Variants in DPEP3 observed in about 807,000 individuals in gnomAD.
DPEP3 encodes the protein dipeptidase 3, also known as membrane-bound dipeptidase 3.
DPEP3 carries 42 observed loss-of-function variants against 47.5 expected under a neutral mutation model. That is an observed-to-expected ratio of 0.88 (90% CI 0.69 to 1.14). DPEP3 has a LOEUF of 1.14. Ranked by LOEUF, DPEP3 falls within the 50% of genes most tolerant of loss-of-function variation. The pLI, the probability that DPEP3 is intolerant of heterozygous loss-of-function variation, is 0.00. For missense variants in DPEP3, 560 were observed against 635.0 expected (o/e 0.88, Z 1.27); for synonymous variants, 276 against 270.2 (o/e 1.02, Z -0.21).
At position 67,980,124 on chromosome 16, in the gene DPEP3, G is replaced by A. The variant is rs1266415109; in HGVS notation, c.257C>T (p.Ala86Val). 1 of 1,612,506 alleles carries A rather than the reference G, an allele frequency of 6.2e-7. No homozygotes were observed. Among genetic ancestry groups the A allele is most frequent in the African/African-American group, 1.3e-5 (1 of 74,888 alleles). The stretch of plus-strand genomic sequence containing the variant: ...CACGAGTGGGAAACTCCGCATCAGG[G>A]CCTGCGCGCGACCCCGAAGGTCCAG... ...KTLDLRGRAQALMRSFPLVDG... is the reference protein window; with the variant it reads ...KTLDLRGRAQVLMRSFPLVDG... Residue 86 changes from alanine (A) to valine (V), a missense_variant, in exon 1 of 10, where the codon GCC (alanine) becomes GTC (valine). Coordinates refer to ENST00000268793, the MANE Select transcript of DPEP3 (RefSeq NM_001370198.1).
chr16:67,977,186 G>C, intron 7 of DPEP3, 84 bp downstream of exon 7: 2 of 1,262,256 alleles, frequency 1.6e-6, no homozygotes, highest in Non-Finnish European at 1.1e-6. Context: ...TGCCCAACAG[G>C]TGCACTAGAC....
chr16:67,978,650 G>A lies in DPEP3; in HGVS notation c.415-24C>T. On this transcript the variant is annotated intron_variant, in intron 2 of 9. Coordinates refer to ENST00000268793, the MANE Select transcript of DPEP3 (RefSeq NM_001370198.1). The surrounding 1 kb of genome is among the most constrained non-coding windows in gnomAD (Gnocchi z 4.4). ...AACTGAGGGTAGGTCAAGGGGTCCA[G>A]AATGAGGCCAGGGCGGTCTTCAACC... 6.2e-7 allele frequency: 1 copy of A among 1,613,098 alleles called. No homozygotes were observed. Among genetic ancestry groups the A allele is most frequent in the Non-Finnish European group, 8.5e-7 (1 of 1,179,652 alleles).
In DPEP3 at chr16:67,980,239, T is replaced by A; in HGVS notation, c.142A>T (p.Thr48Ser). The change falls in exon 1 of 10, where the codon ACG becomes TCG. Residue 48 changes from threonine (T) to serine (S), a missense_variant. Physicochemically the swap from Thr to Ser is moderately conservative, Grantham distance 58 (BLOSUM62 1). Coordinates refer to ENST00000268793, the MANE Select transcript of DPEP3 (RefSeq NM_001370198.1). ...TTPGAPRALS[T>S]LGSPSLFTTP... ...GTGAAGAGGCTGGGGGAGCCCAGCG[T>A]GGAGAGGGCTCTGGGGGCGCCCGGC... The A allele has an allele frequency of 6.2e-7, 1 of 1,607,810 alleles. No individual in the cohort carries two copies.
At chr16:67,976,444 A>G (rs190799161) in intron 8 of DPEP3, among the ~76,000 whole-genome samples, 1 of 152,314 alleles carries the variant, frequency 6.6e-6, no homozygotes, top group East Asian at 1.9e-4. Context: ...CTGGGAGTGG[A>G]GCATATCTTG....
chr16:67,980,495 A>C lies in DPEP3; in HGVS notation c.-115T>G. 7.0e-7 allele frequency: 1 copy of C among 1,423,812 alleles called. No homozygotes were observed. Among genetic ancestry groups the C allele is most frequent in the Non-Finnish European group, 9.2e-7 (1 of 1,088,808 alleles). The allele number at this position is 1,423,812 out of a possible 1,614,324, so 88.2% of individuals were successfully genotyped here. A position where few individuals can be genotyped will look rare whatever the true frequency, so the allele number is the denominator to read the frequency against. The stretch of plus-strand genomic sequence containing the variant: ...CCGAAGAGGGGGTTGAAGTCACGCG[A>C]CTCTGAGACCGACGCGCCACGCAAG... On this transcript the variant is annotated 5_prime_UTR_variant, in exon 1 of 10. Coordinates refer to ENST00000268793, the MANE Select transcript of DPEP3 (RefSeq NM_001370198.1).
In DPEP3 at chr16:67,978,557, C is replaced by A; in HGVS notation, c.484G>T (p.Asp162Tyr). ...TAVRLALEQI[D>Y]LIHRMCASYS... ...GAGGCACACATGCGGTGAATGAGGT[C>A]AATCTGCTCCAGGGCGAGGCGCACG... The change falls in exon 3 of 10, where the codon GAC becomes TAC. Residue 162 changes from aspartate to tyrosine, a missense_variant. Transcript: ENST00000268793. This position sits in a 1 kb window ranked among gnomAD's most constrained non-coding sequence, Gnocchi z 4.4. The A allele has an allele frequency of 6.2e-7, 1 of 1,614,074 alleles. No homozygotes were observed. The highest frequency in any genetic ancestry group is 1.1e-5 in the South Asian group (1 of 91,076).
intron 1 of DPEP3, 102 bp from the exon 2 acceptor site, chr16:67,979,867 A>C: frequency 6.6e-7 from 1 of 1,521,374 alleles, no homozygotes; most frequent in Non-Finnish European, 8.9e-7. Context: ...ACCTCCTCAC[A>C]CAGACCATAT....
At position 67,977,296 on chromosome 16, in the gene DPEP3, A is replaced by C. The variant is rs772443063; in HGVS notation, c.992T>G (p.Leu331Arg). The C allele has an allele frequency of 1.9e-6, 3 of 1,613,968 alleles. No homozygotes were observed. The highest frequency in any genetic ancestry group is 1.6e-4 in the Middle Eastern group (1 of 6,062). Residue 331 changes from leucine to arginine, a missense_variant, in exon 7 of 10, where the codon CTG becomes CGG. Physicochemically the swap from Leu to Arg is moderately radical, Grantham distance 102 (BLOSUM62 -2). Transcript: ENST00000268793. Reference sequence around the variant, plus strand: ...TGCCACAGTGGACACGTTAGCAAGCAGGTTGCACTGCAGCACCCCCATGGA... The same window carrying C: ...TGCCACAGTGGACACGTTAGCAAGCCGGTTGCACTGCAGCACCCCCATGGA... ...TLSMGVLQCN[L>R]LANVSTVADH...
chr16:67,977,527 G>A (rs1187257671), intron 6 of DPEP3, 126 bp downstream of exon 6: 13 of 1,328,952 alleles, frequency 9.8e-6, no homozygotes, highest in African/African-American at 1.5e-5. Flanking sequence ...TAAGTTTCAG[G>A]GATGGAGGAG....
At position 67,978,303 on chromosome 16, in the gene DPEP3, CG is replaced by C; in HGVS notation, c.649del (p.Arg217AlafsTer3). 6.2e-7 allele frequency: 1 copy of C among 1,614,166 alleles called. No homozygotes were observed. Among genetic ancestry groups the C allele is most frequent in the South Asian group, 1.1e-5 (1 of 91,086 alleles). On this transcript the variant is annotated frameshift_variant, in exon 4 of 10. Coordinates refer to ENST00000268793, the MANE Select transcript of DPEP3 (RefSeq NM_001370198.1). LOFTEE classifies it high-confidence loss of function. This position sits in a 1 kb window ranked among gnomAD's most constrained non-coding sequence, Gnocchi z 4.4. ...GCAGGTGAAGGTAAGTGTCAGGTAG[CG>C]CACCCCCAGCACATAGAAACTGCGC... ...VLRSFYVLGV[R>X]YLTLTFTCST...
chr16:67,978,119 C>G lies in DPEP3; in HGVS notation c.687-112G>C. Reference sequence around the variant, plus strand: ...GCTTCCAGAACAGGTGCAGAACCAGCTGCTTTCTGGGATTGTGAGGGACCC... The same window carrying G: ...GCTTCCAGAACAGGTGCAGAACCAGGTGCTTTCTGGGATTGTGAGGGACCC... On this transcript the variant is annotated intron_variant, in intron 4 of 9. Transcript: ENST00000268793. This position sits in a 1 kb window ranked among gnomAD's most constrained non-coding sequence, Gnocchi z 4.4. 6.4e-7 allele frequency: 1 copy of G among 1,574,576 alleles called. No individual in the cohort carries two copies. Among genetic ancestry groups the G allele is most frequent in the Non-Finnish European group, 8.7e-7 (1 of 1,148,210 alleles).
chr16:67,980,493 C>A lies in DPEP3; in HGVS notation c.-113G>T, dbSNP rs2031305168. 1.4e-6 allele frequency: 2 copies of A among 1,429,246 alleles called. No individual in the cohort carries two copies. The highest frequency in any genetic ancestry group is 1.5e-5 in the African/African-American group (1 of 66,314). The allele number at this position is 1,429,246 out of a possible 1,614,324, so 88.5% of individuals were successfully genotyped here. On this transcript the variant is annotated 5_prime_UTR_variant, in exon 1 of 10. Coordinates refer to ENST00000268793, the MANE Select transcript of DPEP3 (RefSeq NM_001370198.1). Reference sequence around the variant, plus strand: ...TCCCGAAGAGGGGGTTGAAGTCACGCGACTCTGAGACCGACGCGCCACGCA... The same window carrying A: ...TCCCGAAGAGGGGGTTGAAGTCACGAGACTCTGAGACCGACGCGCCACGCA...
At position 67,976,663 on chromosome 16, in the gene DPEP3, C is replaced by T. The variant is rs749477784; in HGVS notation, c.1094+37G>A. 3 of 1,600,222 alleles carry T rather than the reference C, an allele frequency of 1.9e-6. No individual in the cohort carries two copies. In the South Asian group the frequency reaches 3.3e-5, roughly 18 times the overall value. ...ATGAAGACTAAAGGACTCCCTGCTG[C>T]ACCCCAGCCTAAGAGAAACCTCAGG... On this transcript the variant is annotated intron_variant, in intron 8 of 9. Transcript: ENST00000268793.
chr16:67,976,231 G>T lies in DPEP3; in HGVS notation c.1095-3C>A. On this transcript the variant is annotated splice_region_variant and splice_polypyrimidine_tract_variant and intron_variant, in intron 8 of 9. Transcript: ENST00000268793. ...CATCCTCCAGCCCCTGAGGGAACCT[G>T]TGTGGCCACCCACCAGCCAGCTGTG... The T allele has an allele frequency of 6.2e-7, 1 of 1,614,032 alleles. No individual in the cohort carries two copies. The highest frequency in any genetic ancestry group is 1.3e-5 in the African/African-American group (1 of 75,064).
At chr16:67,979,496 G>A in intron 2 of DPEP3, 143 bp downstream of exon 2, 1 of 1,294,770 alleles carries the variant, frequency 7.7e-7, no homozygotes, top group Non-Finnish European at 1.0e-6. Flanking sequence ...GGCCTCCAAG[G>A]CCCCACTCTC....
In DPEP3 at chr16:67,978,505, G is replaced by A. The variant is rs374841675; in HGVS notation, c.536C>T (p.Ser179Leu). 2 of 1,614,136 alleles carry A rather than the reference G, an allele frequency of 1.2e-6. No homozygotes were observed. The highest frequency in any genetic ancestry group is 1.1e-5 in the South Asian group (1 of 91,084). The change falls in exon 3 of 10, where the codon TCA becomes TTA. Residue 179 changes from serine (S) to leucine (L), a missense_variant. Coordinates refer to ENST00000268793, the MANE Select transcript of DPEP3 (RefSeq NM_001370198.1). The surrounding 1 kb of genome is among the most constrained non-coding windows in gnomAD (Gnocchi z 4.4). Reference sequence around the variant, plus strand: ...CTCATCTGCTGGCCCACCTTCAGCTGAGGTCACAAGCTCGAGTTCAGAGTA... The same window carrying A: ...CTCATCTGCTGGCCCACCTTCAGCTAAGGTCACAAGCTCGAGTTCAGAGTA... ...ASYSELELVT[S>L]AEGLNSSQKL... is the part of the protein sequence containing the mutation.
Position 67,977,253 on chromosome 16 carries a change from G to A in DPEP3, c.1018+17C>T. On this transcript the variant is annotated intron_variant, in intron 7 of 9. Transcript: ENST00000268793. ...ACAGCCCAAGCCAGCACTGCACAAAGCTGAGGTGGGACTTACCTGCCACAG... is the reference window on the plus strand; with the variant it reads ...ACAGCCCAAGCCAGCACTGCACAAAACTGAGGTGGGACTTACCTGCCACAG... The A allele has an allele frequency of 6.2e-7, 1 of 1,612,374 alleles. No homozygotes were observed. Among genetic ancestry groups the A allele is most frequent in the Non-Finnish European group, 8.5e-7 (1 of 1,178,946 alleles).
chr16:67,979,817 T>G (rs368105014), intron 1 of DPEP3, 52 bp from the exon 2 acceptor site: 21 of 1,605,754 alleles, frequency 1.3e-5, no homozygotes, highest in Non-Finnish European at 1.8e-5. Flanking sequence ...AGTCAGGATA[T>G]ATCAGGTGCT....
In DPEP3 at chr16:67,976,704, C is replaced by G. The variant is rs759548278; in HGVS notation, c.1090G>C (p.Gly364Arg). The change falls in exon 8 of 10, where the codon GGC (glycine) becomes CGC (arginine). Residue 364 changes from glycine (G) to arginine (R), a missense_variant. Physicochemically the swap from Gly to Arg is moderately radical, Grantham distance 125. Transcript: ENST00000268793. ...AAACCTCAGGGAAGCACTCACCGGC[C>G]AGTCCCGTCATAATTTCCACCAATC... Reference protein sequence around the residue: ...IGIGGNYDGTGRFPQGLEDVS... With the variant: ...IGIGGNYDGTRRFPQGLEDVS... The G allele has an allele frequency of 6.2e-6, 10 of 1,614,006 alleles. No homozygotes were observed. In the Admixed American group the frequency reaches 1.7e-4, roughly 27 times the overall value.
Sources: allele counts gnomAD v4.1 joint callset (sites outside exome capture counted in the v4.1 genomes callset), GRCh38; gene constraint gnomAD v4.1.1; non-coding constraint Gnocchi (gnomAD v3.1); transcripts MANE v1.5; gene names NCBI Gene and HGNC (gene_info 2026-07-23, HGNC 2026-07-21).